The following PRKAR2A variants were observed in gnomAD, a reference collection of about 807,000 sequenced individuals.
PRKAR2A encodes the protein protein kinase cAMP-dependent type II regulatory subunit alpha.
A neutral mutation model predicts 51.9 loss-of-function variants in PRKAR2A; 29 were observed. The ratio of observed to expected loss-of-function variants is 0.56; its 90% CI spans 0.42 to 0.76. The LOEUF is 0.76. PRKAR2A is among the 30% of genes least tolerant of loss of function. PRKAR2A has a pLI of 0.00. For missense variants in PRKAR2A, 445 were observed against 512.1 expected (o/e 0.87, Z 1.26); for synonymous variants, 178 against 186.2 (o/e 0.96, Z 0.36).
intron 10 of PRKAR2A, 148 bp from the exon 11 acceptor site, chr3:48,751,866 C>G: frequency 1.0e-6 from 1 of 983,986 alleles, no homozygotes; most frequent in Non-Finnish European, 1.5e-6. Context: ...TATATGAATT[C>G]AGAAGACTGT....
intron 4 of PRKAR2A, among the ~76,000 whole-genome samples, chr3:48,788,492 T>C (rs1397016109): frequency 1.3e-5 from 2 of 152,130 alleles, no homozygotes; most frequent in Admixed American, 1.3e-4. Flanking sequence ...ATGTGTGGCC[T>C]TCAAAGTAGA....
intron 1 of PRKAR2A, among the ~76,000 whole-genome samples, chr3:48,833,473 C>T (rs552988074): frequency 5.9e-5 from 9 of 151,916 alleles, no homozygotes; most frequent in Non-Finnish European, 1.2e-4. Context: ...TTTGGGTGGC[C>T]GAGGCGGGTG....
chr3:48,771,386 T>C (rs2082026522), intron 6 of PRKAR2A, among the ~76,000 whole-genome samples: 1 of 152,030 alleles, frequency 6.6e-6, no homozygotes, highest in Non-Finnish European at 1.5e-5. Flanking sequence ...TGCACACCTG[T>C]AGTCCCAGCT....
At chr3:48,789,252 G>C (rs909947010) in intron 4 of PRKAR2A, among the ~76,000 whole-genome samples, 4 of 152,122 alleles carry the variant, frequency 2.6e-5, no homozygotes, top group Admixed American at 2.0e-4. Context: ...TATCCATGGG[G>C]AGTATGTTCC....
At chr3:48,801,706 T>C (rs922879241) in intron 2 of PRKAR2A, among the ~76,000 whole-genome samples, 2 of 152,158 alleles carry the variant, frequency 1.3e-5, no homozygotes, top group Admixed American at 1.3e-4. Flanking sequence ...CAAGCGATTC[T>C]CCTGCCTCAG....
chr3:48,840,515 T>G (rs2083359977), intron 1 of PRKAR2A, among the ~76,000 whole-genome samples: 1 of 151,668 alleles, frequency 6.6e-6, no homozygotes, highest in South Asian at 2.1e-4. Context: ...TACCATATTT[T>G]GTTTATCCAT....
intron 1 of PRKAR2A, among the ~76,000 whole-genome samples, chr3:48,809,610 A>C (rs971340209): frequency 9.0e-4 from 136 of 150,884 alleles, no homozygotes; most frequent in African/African-American, 3.1e-3. Flanking sequence ...AAAAAAAAAA[A>C]AAAAAAAAAA....
chr3:48,798,614 G>A (rs992704540), intron 2 of PRKAR2A, among the ~76,000 whole-genome samples: 1 of 151,364 alleles, frequency 6.6e-6, no homozygotes, highest in Non-Finnish European at 1.5e-5. Flanking sequence ...TGGGTACATG[G>A]GTATTATACT....
intron 2 of PRKAR2A, among the ~76,000 whole-genome samples, chr3:48,796,820 T>C (rs2082501283): frequency 6.7e-6 from 1 of 150,256 alleles, no homozygotes; most frequent in African/African-American, 2.5e-5. Context: ...TTCTTGCTCA[T>C]TTTTTTTTAG....
At chr3:48,830,847 A>G (rs1420094739) in intron 1 of PRKAR2A, among the ~76,000 whole-genome samples, 2 of 152,196 alleles carry the variant, frequency 1.3e-5, no homozygotes, top group Non-Finnish European at 2.9e-5. Context: ...TTTGGTTCTC[A>G]TAAGGAGAGC....
In PRKAR2A at chr3:48,772,971, C is replaced by T. The variant is rs1477409426; in HGVS notation, c.680G>A (p.Gly227Asp). The T allele has an allele frequency of 6.2e-7, 1 of 1,611,800 alleles. No individual in the cohort carries two copies. Among genetic ancestry groups the T allele is most frequent in the African/African-American group, 1.3e-5 (1 of 74,958 alleles). The stretch of plus-strand genomic sequence containing the variant: ...CTCACTCACCAGTCCCCAAAGGGAG[C>T]CTTCTGAGGTAGCAACAATGGTAGC... ...RAATIVATSEGSLWGLDRVTF... is the reference protein window; with the variant it reads ...RAATIVATSEDSLWGLDRVTF... Residue 227 changes from glycine (G) to aspartate (D), a missense_variant, in exon 6 of 11, where the codon GGC (glycine) becomes GAC (aspartate). By Grantham distance (94) the Gly-to-Asp change is moderately conservative. Transcript: ENST00000265563.
chr3:48,837,126 AAAT>A (rs1176630600), intron 1 of PRKAR2A, among the ~76,000 whole-genome samples: 2 of 151,980 alleles, frequency 1.3e-5, no homozygotes, highest in African/African-American at 2.4e-5. Flanking sequence ...CCTGTCTCAA[AAAT>A]AATAATAATA....
At chr3:48,801,017 C>T (rs893172038) in intron 2 of PRKAR2A, among the ~76,000 whole-genome samples, 4 of 151,984 alleles carry the variant, frequency 2.6e-5, no homozygotes, top group African/African-American at 9.7e-5. Flanking sequence ...CAGTCTCACT[C>T]ATCGTCCAGA....
At chr3:48,843,153 C>T (rs1374998059) in intron 1 of PRKAR2A, among the ~76,000 whole-genome samples, 6 of 151,922 alleles carry the variant, frequency 3.9e-5, no homozygotes, top group South Asian at 2.1e-4. Context: ...GAGAGTGTGT[C>T]GAGGAATTTA....
intron 8 of PRKAR2A, among the ~76,000 whole-genome samples, chr3:48,761,008 G>C (rs2081856248): frequency 6.6e-6 from 1 of 151,950 alleles, no homozygotes; most frequent in Non-Finnish European, 1.5e-5. Context: ...ACAAGGCTGA[G>C]TGCAGTGGCT....
rs879935714 is a variant in PRKAR2A, at chr3:48,845,946, T to TA, written c.262+1388dup. ...GGGTGACAGAGCGAGATCCTGACTT[T>TA]AAAAAAAAAAAAAGGTGTGATGATC... On this transcript the variant is annotated intron_variant, in intron 1 of 10. Coordinates refer to ENST00000265563, the MANE Select transcript of PRKAR2A (RefSeq NM_004157.4). Among the ~76,000 whole-genome samples the TA allele has an allele frequency of 6.0e-3, 855 of 143,026 alleles. 7 individuals carry two copies. The highest frequency in any genetic ancestry group is 0.019 in the African/African-American group (728 of 39,150). The allele number at this position is 143,026 out of a possible 152,430, so 93.8% of individuals were successfully genotyped here.
At chr3:48,789,490 A>ATTT (rs1210177675) in intron 4 of PRKAR2A, among the ~76,000 whole-genome samples, 3 of 130,878 alleles carry the variant, frequency 2.3e-5, no homozygotes, top group Non-Finnish European at 5.0e-5. Flanking sequence ...TTCTTATTCT[A>ATTT]TTTTTTTTTT....
chr3:48,768,352 CAGAG>C (rs1280060416), intron 6 of PRKAR2A, among the ~76,000 whole-genome samples: 3 of 147,754 alleles, frequency 2.0e-5, no homozygotes, highest in South Asian at 4.3e-4. Flanking sequence ...TATAGACAGA[CAGAG>C]AGACAGACAG....
chr3:48,798,663 A>ATTT (rs35860456), intron 2 of PRKAR2A, among the ~76,000 whole-genome samples: 2 of 138,774 alleles, frequency 1.4e-5, no homozygotes, highest in Non-Finnish European at 3.1e-5. Context: ...TTCCTTTTTA[A>ATTT]TTTTTTTTTT....
Sources: allele counts gnomAD v4.1 joint callset (sites outside exome capture counted in the v4.1 genomes callset), GRCh38; gene constraint gnomAD v4.1.1; transcripts MANE v1.5; gene names NCBI Gene and HGNC (gene_info 2026-07-23, HGNC 2026-07-21).